Variants in UVRAG observed in about 807,000 individuals in gnomAD.
UVRAG encodes the protein UV radiation resistance associated.
UVRAG carries 19 observed loss-of-function variants against 78.0 expected under a neutral mutation model. The ratio of observed to expected loss-of-function variants is 0.24; its 90% CI spans 0.17 to 0.36. UVRAG has a LOEUF of 0.36. Ranked by LOEUF, UVRAG falls within the 10% of genes least tolerant of loss-of-function variation. UVRAG has a pLI of 1.00. For synonymous variants in UVRAG, 323 were observed against 324.6 expected (o/e 1.00, Z 0.05); for missense variants, 740 against 853.8 (o/e 0.87, Z 1.66).
intron 13 of UVRAG, among the ~76,000 whole-genome samples, chr11:76,091,854 C>A (rs1441544342): frequency 1.3e-5 from 2 of 149,912 alleles, no homozygotes; most frequent in East Asian, 3.9e-4. Context: ...TTTTATTATT[C>A]TTTAAGTTCT....
intron 1 of UVRAG, among the ~76,000 whole-genome samples, chr11:75,841,927 C>T (rs1945920808): frequency 6.6e-6 from 1 of 152,128 alleles, no homozygotes; most frequent in Admixed American, 6.5e-5. Flanking sequence ...TTGGTCTGAG[C>T]TTGGTGGGAA....
At chr11:76,125,312 T>G (rs1952364102) in intron 14 of UVRAG, among the ~76,000 whole-genome samples, 1 of 152,186 alleles carries the variant, frequency 6.6e-6, no homozygotes, top group Admixed American at 6.5e-5. Context: ...TTGGAGTTAT[T>G]TTCTCTAAGA....
At chr11:75,922,962 C>CAT (rs747245753) in intron 6 of UVRAG, among the ~76,000 whole-genome samples, 26 of 144,964 alleles carry the variant, frequency 1.8e-4, no homozygotes, top group African/African-American at 2.8e-4. Context: ...GAAAAACGAA[C>CAT]ATATATATAT....
At chr11:75,949,988 T>C (rs1948660318) in intron 6 of UVRAG, among the ~76,000 whole-genome samples, 1 of 152,168 alleles carries the variant, frequency 6.6e-6, no homozygotes, top group Admixed American at 6.5e-5. Context: ...GAACTTCTTA[T>C]AAGTGGAGTC....
chr11:75,879,966 G>A lies in UVRAG; in HGVS notation c.358G>A (p.Gly120Arg). Residue 120 changes from glycine (G) to arginine (R), a missense_variant, in exon 4 of 15, where the codon GGA becomes AGA. Transcript: ENST00000356136. ...TTGTTTCGTGGTGAAGATATGGGGT[G>A]GAAAGGAGAACATCTACCAGCTGTT... ...VSCFVVKIWGGKENIYQLLIE... is the reference protein window; with the variant it reads ...VSCFVVKIWGRKENIYQLLIE... The A allele has an allele frequency of 1.2e-6, 2 of 1,614,138 alleles. No individual in the cohort carries two copies. The highest frequency in any genetic ancestry group is 1.1e-5 in the South Asian group (1 of 91,080).
In UVRAG at chr11:76,014,079, A is replaced by T. The variant is rs543850359; in HGVS notation, c.1061-2736A>T. ...CTTTTTGTTTTATTTCTGTGTGTAG[A>T]CTTCTCTTAGAGATGCCTTTTTATC... On this transcript the variant is annotated intron_variant, in intron 11 of 14. Transcript: ENST00000356136. Among the ~76,000 whole-genome samples, 4 of 152,248 alleles carry T rather than the reference A, an allele frequency of 2.6e-5. No individual in the cohort carries two copies. In the East Asian group the frequency reaches 7.7e-4, roughly 29 times the overall value.
At chr11:75,831,096 T>G (rs1359221040) in intron 1 of UVRAG, among the ~76,000 whole-genome samples, 1 of 152,180 alleles carries the variant, frequency 6.6e-6, no homozygotes, top group African/African-American at 2.4e-5. Context: ...TTATAGTAAG[T>G]GTTCAAAAAA....
chr11:75,838,525 A>ACT (rs984961178), intron 1 of UVRAG, among the ~76,000 whole-genome samples: 7 of 150,278 alleles, frequency 4.7e-5, no homozygotes, highest in East Asian at 2.0e-4. Context: ...TTTCATAGAG[A>ACT]CTCTCTCTCT....
chr11:76,050,884 C>CA (rs1265041936), intron 12 of UVRAG, among the ~76,000 whole-genome samples: 2 of 152,164 alleles, frequency 1.3e-5, no homozygotes, highest in Non-Finnish European at 2.9e-5. Context: ...GTTCATACCA[C>CA]AAGTGAATAA....
intron 12 of UVRAG, among the ~76,000 whole-genome samples, chr11:76,052,232 C>G (rs1002584336): frequency 3.9e-5 from 6 of 152,216 alleles, no homozygotes; most frequent in Admixed American, 3.3e-4. Context: ...AGTATGAGTT[C>G]TTTGAAAACT....
intron 3 of UVRAG, among the ~76,000 whole-genome samples, chr11:75,874,475 C>T (rs1212758112): frequency 6.6e-6 from 1 of 152,074 alleles, no homozygotes. Flanking sequence ...GTTGTATATA[C>T]AATTATGATG....
intron 12 of UVRAG, among the ~76,000 whole-genome samples, chr11:76,035,037 C>T (rs1027756764): frequency 6.6e-6 from 1 of 152,090 alleles, no homozygotes; most frequent in African/African-American, 2.4e-5. Context: ...TTGATTGACA[C>T]CTATACTTAA....
chr11:76,131,150 CATA>C (rs1952506827), intron 14 of UVRAG, among the ~76,000 whole-genome samples: 1 of 152,128 alleles, frequency 6.6e-6, no homozygotes, highest in Non-Finnish European at 1.5e-5. Context: ...TTACAGTCCT[CATA>C]ATGTTGGTTG....
chr11:76,034,592 A>G (rs190326950), intron 12 of UVRAG, among the ~76,000 whole-genome samples: 1 of 152,156 alleles, frequency 6.6e-6, no homozygotes, highest in Admixed American at 6.5e-5. Flanking sequence ...TTATTAACAT[A>G]AGGTCAATGT....
At chr11:75,900,153 A>G (rs1465519968) in intron 5 of UVRAG, among the ~76,000 whole-genome samples, 2 of 152,202 alleles carry the variant, frequency 1.3e-5, no homozygotes, top group African/African-American at 4.8e-5. Context: ...ATGGTTCTTT[A>G]TATAGATGTT....
chr11:75,923,419 G>A (rs1478427039), intron 6 of UVRAG, among the ~76,000 whole-genome samples: 1 of 152,094 alleles, frequency 6.6e-6, no homozygotes, highest in African/African-American at 2.4e-5. Flanking sequence ...TGAATGAATT[G>A]TGAAGCTTTC....
At chr11:76,077,155 A>G (rs1375848768) in intron 13 of UVRAG, among the ~76,000 whole-genome samples, 1 of 148,612 alleles carries the variant, frequency 6.7e-6, no homozygotes, top group Non-Finnish European at 1.5e-5. Context: ...AAAATATATA[A>G]TATATGTAAA....
chr11:76,139,831 A>G (rs1248162065), intron 14 of UVRAG, among the ~76,000 whole-genome samples: 1 of 152,146 alleles, frequency 6.6e-6, no homozygotes, highest in Non-Finnish European at 1.5e-5. Flanking sequence ...CAGAAATTAT[A>G]AAGTTTGTAT....
chr11:76,140,187 A>T, intron 14 of UVRAG, among the ~76,000 whole-genome samples: 1 of 142,824 alleles, frequency 7.0e-6, no homozygotes, highest in Admixed American at 7.5e-5. Context: ...CAAGGTGGTT[A>T]GCATTTGGGT....
Sources: allele counts gnomAD v4.1 joint callset (sites outside exome capture counted in the v4.1 genomes callset), GRCh38; gene constraint gnomAD v4.1.1; transcripts MANE v1.5; gene names NCBI Gene and HGNC (gene_info 2026-07-23, HGNC 2026-07-21).